The following FBLN7 variants were observed in gnomAD, a reference collection of about 807,000 sequenced individuals.
The protein encoded by FBLN7 is fibulin-7.
FBLN7 carries 31 observed loss-of-function variants against 44.0 expected under a neutral mutation model. The observed-to-expected ratio is 0.70, with a 90% CI of 0.53 to 0.95. The LOEUF (loss-of-function observed/expected upper bound fraction) is 0.95. Ranked by LOEUF, FBLN7 falls within the 40% of genes least tolerant of loss-of-function variation. The pLI is 0.00. For missense variants in FBLN7, 573 were observed against 618.5 expected, an observed-to-expected ratio of 0.93 and a Z score of 0.78; for synonymous variants, 262 against 253.4, an observed-to-expected ratio of 1.03 and a Z score of -0.32.
At chr2:112,140,769 C>T (rs564429846) in intron 1 of FBLN7, among the ~76,000 whole-genome samples, 1 of 152,296 alleles carries the variant, frequency 6.6e-6, no homozygotes, top group East Asian at 1.9e-4. Flanking sequence ...CAGTTTGTGG[C>T]ATTTCCCAGG....
At chr2:112,215,762 T>A in the FBLN7 span, 36 of 152,316 alleles carry the variant, frequency 2.4e-4, no homozygotes, top group East Asian at 6.4e-3. Flanking sequence ...CTCCTAAAGT[T>A]TGTAACTCAC....
chr2:112,218,776 G>T, the FBLN7 span, among the ~76,000 whole-genome samples: 7 of 152,132 alleles, frequency 4.6e-5, no homozygotes, highest in Non-Finnish European at 8.8e-5. Context: ...TGATTTTGAG[G>T]AGTGAAAAGT....
the FBLN7 span, among the ~76,000 whole-genome samples, chr2:112,198,935 C>T: frequency 1.2e-4 from 18 of 152,182 alleles, no homozygotes; most frequent in African/African-American, 4.3e-4. Flanking sequence ...ACCAGTGAGT[C>T]AGGCTAACTA....
chr2:112,159,550 C>A, intron 1 of FBLN7, 126 bp from the exon 2 acceptor site: 2 of 1,162,022 alleles, frequency 1.7e-6, no homozygotes, highest in Non-Finnish European at 2.3e-6. Flanking sequence ...GTCACTTTTA[C>A]GTTGCGTTGA....
chr2:112,229,458 C>A, the FBLN7 span, among the ~76,000 whole-genome samples: 3 of 152,206 alleles, frequency 2.0e-5, no homozygotes, highest in Non-Finnish European at 1.5e-5. Context: ...ATATGACTTA[C>A]TTTAGCCAAT....
chr2:112,158,556 C>A (rs546065920), intron 1 of FBLN7, among the ~76,000 whole-genome samples: 1 of 152,148 alleles, frequency 6.6e-6, no homozygotes, highest in Non-Finnish European at 1.5e-5. Flanking sequence ...CTGCCTCAGC[C>A]TCCCGAGTAG....
At chr2:112,198,909 CCCTCCACTAT>C in the FBLN7 span, among the ~76,000 whole-genome samples, 1 of 152,148 alleles carries the variant, frequency 6.6e-6, no homozygotes, top group African/African-American at 2.4e-5. Flanking sequence ...AGGGAAGCCT[CCCTCCACTAT>C]AGTCTACCAG....
chr2:112,238,346 TG>T, the FBLN7 span: 2 of 1,613,660 alleles, frequency 1.2e-6, no homozygotes, highest in Non-Finnish European at 1.7e-6. Flanking sequence ...CTTCTTTCTT[TG>T]TAGATTCTTC....
the FBLN7 span, chr2:112,231,870 G>C: frequency 6.3e-7 from 1 of 1,594,334 alleles, no homozygotes. Flanking sequence ...TCAGGAGTCA[G>C]TGGAGCATGA....
chr2:112,241,358 G>A, the FBLN7 span, among the ~76,000 whole-genome samples: 2 of 152,132 alleles, frequency 1.3e-5, no homozygotes, highest in Admixed American at 1.3e-4. Context: ...TCCATGGGCT[G>A]GCATTTGGGA....
chr2:112,186,465 C>A (rs954663082), intron 7 of FBLN7, among the ~76,000 whole-genome samples: 1 of 152,028 alleles, frequency 6.6e-6, no homozygotes, highest in African/African-American at 2.4e-5. Context: ...CATGGTGAAA[C>A]CCCGTCTCTA....
At chr2:112,234,056 A>C in the FBLN7 span, 1 of 949,474 alleles carries the variant, frequency 1.1e-6, no homozygotes. Context: ...TATGAATTAA[A>C]AGAGTATCAA....
chr2:112,144,547 C>T lies in FBLN7; in HGVS notation c.75+5817C>T, dbSNP rs546158543. Among the ~76,000 whole-genome samples the T allele has an allele frequency of 4.6e-3, 576 of 125,504 alleles. 4 individuals are homozygous for T. Among genetic ancestry groups the T allele is most frequent in the African/African-American group, 8.6e-3 (282 of 32,844 alleles). 82.3% of individuals were successfully genotyped at this position (125,504 alleles called of 152,430 possible). A position where few individuals can be genotyped will look rare whatever the true frequency, so the allele number is the denominator to read the frequency against. On this transcript the variant is annotated intron_variant, in intron 1 of 7. Coordinates refer to ENST00000331203, the MANE Select transcript of FBLN7 (RefSeq NM_153214.3). ...TCTTTTTTTTTTTTTTTTTTTGAGA[C>T]GGAGTCTTGCTCTGTCACTCAGGCT...
rs574687229 is a variant in FBLN7 at position 112,170,902 on chromosome 2, T to G, written c.407-4812T>G. The stretch of plus-strand genomic sequence containing the variant: ...TTCTAGGTATTTTTAGAGACAGAAC[T>G]GATGGAATTTGCTGCCATCCCATGT... On this transcript the variant is annotated intron_variant, in intron 3 of 7. Transcript: ENST00000331203. Among the ~76,000 whole-genome samples the G allele has an allele frequency of 2.0e-5, 3 of 152,288 alleles. No individual in the cohort carries two copies. In the South Asian group the frequency reaches 6.2e-4, roughly 32 times the overall value.
At chr2:112,168,465 C>G (rs1225560131) in intron 3 of FBLN7, among the ~76,000 whole-genome samples, 1 of 152,220 alleles carries the variant, frequency 6.6e-6, no homozygotes, top group Non-Finnish European at 1.5e-5. Context: ...GCTCCAGCAG[C>G]TGCTGGCCAC....
chr2:112,165,215 G>C (rs765107307), intron 3 of FBLN7, 44 bp downstream of exon 3: 1 of 1,575,072 alleles, frequency 6.3e-7, no homozygotes, highest in South Asian at 1.2e-5. Flanking sequence ...ACCCATCACA[G>C]TATAGCAAGG....
At chr2:112,140,476 G>C (rs1363717181) in intron 1 of FBLN7, among the ~76,000 whole-genome samples, 2 of 152,184 alleles carry the variant, frequency 1.3e-5, no homozygotes, top group Non-Finnish European at 2.9e-5. Context: ...TTTTCAGAGA[G>C]AGGTGCAGGG....
intron 2 of FBLN7, among the ~76,000 whole-genome samples, chr2:112,163,030 A>G (rs575911058): frequency 6.6e-6 from 1 of 152,348 alleles, no homozygotes. Flanking sequence ...GGTTATTACC[A>G]CTGGGGGCCA....
At chr2:112,174,905 A>AT (rs1028253249) in intron 3 of FBLN7, among the ~76,000 whole-genome samples, 3 of 151,664 alleles carry the variant, frequency 2.0e-5, no homozygotes, top group South Asian at 4.2e-4. Context: ...TAAAACAATC[A>AT]TTTTTTTTCT....
Sources: allele counts gnomAD v4.1 joint callset (sites outside exome capture counted in the v4.1 genomes callset), GRCh38; gene constraint gnomAD v4.1.1; transcripts MANE v1.5; gene names NCBI Gene and HGNC (gene_info 2026-07-23, HGNC 2026-07-21).